Variants in TANGO2 observed in about 807,000 individuals in gnomAD.
TANGO2 encodes the protein transport and Golgi organization protein 2 homolog.
In TANGO2, 26 loss-of-function variants were observed where a neutral mutation model predicts 39.1. That is an observed-to-expected ratio of 0.67 (90% CI 0.49 to 0.92). The LOEUF (loss-of-function observed/expected upper bound fraction) is 0.92, where lower values mean the gene tolerates loss of function less well. Ranked by LOEUF, TANGO2 falls within the 40% of genes least tolerant of loss-of-function variation. The pLI, the probability that TANGO2 is intolerant of heterozygous loss-of-function variation, is 0.00. For missense variants in TANGO2, 326 were observed against 360.1 expected, an observed-to-expected ratio of 0.91 and a Z score of 0.77; for synonymous variants, 131 against 144.5, an observed-to-expected ratio of 0.91 and a Z score of 0.67.
intron 2 of TANGO2, 124 bp from the exon 3 acceptor site, chr22:20,043,231 G>A (rs1277162775): frequency 4.4e-5 from 31 of 700,496 alleles, no homozygotes; most frequent in Middle Eastern, 3.1e-4. Context: ...CAGGACTGCC[G>A]GCTTCCTGCC....
chr22:20,035,152 A>C (rs962571076), intron 1 of TANGO2, among the ~76,000 whole-genome samples: 1 of 152,170 alleles, frequency 6.6e-6, no homozygotes, highest in African/African-American at 2.4e-5. Context: ...ACCATCTCAA[A>C]TGGCTGCCCA....
intron 3 of TANGO2, among the ~76,000 whole-genome samples, chr22:20,046,511 C>G (rs1034169448): frequency 7.3e-6 from 1 of 136,868 alleles, no homozygotes. Context: ...GTCGCTTAGG[C>G]TGGAGTGCAA....
At chr22:20,061,091 G>A (rs2147787657) in intron 6 of TANGO2, 1 of 162,202 alleles carries the variant, frequency 6.2e-6, no homozygotes, top group South Asian at 1.7e-4. Context: ...TGGCGCTGTT[G>A]GGGGTTCCCC....
intron 4 of TANGO2, 38 bp downstream of exon 4, chr22:20,052,622 G>C (rs1359100378): frequency 1.3e-6 from 2 of 1,545,358 alleles, no homozygotes; most frequent in Non-Finnish European, 8.7e-7. Context: ...GAGACAGGGT[G>C]GGGTGGGGCA....
At chr22:20,030,396 G>A (rs531553278) in intron 1 of TANGO2, among the ~76,000 whole-genome samples, 1 of 152,108 alleles carries the variant, frequency 6.6e-6, no homozygotes, top group East Asian at 1.9e-4. Context: ...GCCCAGGCTG[G>A]AGGACAGTGG....
At chr22:20,053,751 T>G (rs2046847522) in intron 5 of TANGO2, 200 bp downstream of exon 5, 1 of 617,606 alleles carries the variant, frequency 1.6e-6, no homozygotes, top group African/African-American at 1.8e-5. Context: ...AGCCCAAGGC[T>G]TCCTGTGATG....
At chr22:20,045,959 TG>T (rs1158071346) in intron 3 of TANGO2, among the ~76,000 whole-genome samples, 3 of 152,088 alleles carry the variant, frequency 2.0e-5, no homozygotes, top group Admixed American at 2.0e-4. Context: ...TTTTCCAGCC[TG>T]GTGTCTGGGA....
In TANGO2 at chr22:20,057,406, G is replaced by C. The variant is rs2047570508; in HGVS notation, c.451+1393G>C. ...TCTCCAGAGGAGGCATCTGCCTGGA[G>C]GGTGGCTTCCAGTGTGTCCCACCCA... On this transcript the variant is annotated intron_variant, in intron 6 of 8. Transcript: ENST00000327374. The surrounding 1 kb of genome is among the most constrained non-coding windows in gnomAD (Gnocchi z 4.1). 6.6e-6 allele frequency among the ~76,000 whole-genome samples: 1 copy of C among 152,206 alleles called. No individual in the cohort carries two copies. The highest frequency in any genetic ancestry group is 6.5e-5 in the Admixed American group (1 of 15,292).
chr22:20,025,064 T>C (rs1349739677), intron 1 of TANGO2, among the ~76,000 whole-genome samples: 1 of 151,264 alleles, frequency 6.6e-6, no homozygotes. Context: ...TTCTTTTTTT[T>C]TGCGTTTTGA....
At chr22:20,049,660 CAAAAAA>C (rs695789) in intron 3 of TANGO2, among the ~76,000 whole-genome samples, 1 of 87,134 alleles carries the variant, frequency 1.1e-5, no homozygotes, top group East Asian at 3.3e-4. Context: ...AACTCTGTCT[CAAAAAA>C]AAAAAAAAAA....
intron 1 of TANGO2, among the ~76,000 whole-genome samples, chr22:20,025,358 G>A (rs1381325818): frequency 6.6e-6 from 1 of 151,998 alleles, no homozygotes; most frequent in Non-Finnish European, 1.5e-5. Context: ...CTCCCAAAGT[G>A]TTGGGATTAC....
intron 1 of TANGO2, among the ~76,000 whole-genome samples, chr22:20,024,119 G>A (rs553974436): frequency 7.9e-5 from 12 of 152,202 alleles, no homozygotes; most frequent in African/African-American, 2.9e-4. Flanking sequence ...CCCAGGAGGC[G>A]AACGTTGCAG....
chr22:20,060,868 C>G (rs1341803769), intron 6 of TANGO2, among the ~76,000 whole-genome samples: 2 of 152,200 alleles, frequency 1.3e-5, no homozygotes, highest in Non-Finnish European at 2.9e-5. Flanking sequence ...AGAAGAGCCT[C>G]TGAGGTGAGG....
intron 3 of TANGO2, among the ~76,000 whole-genome samples, chr22:20,049,796 A>T (rs2045951011): frequency 6.6e-6 from 1 of 152,172 alleles, no homozygotes; most frequent in Non-Finnish European, 1.5e-5. Context: ...TAAAACGAAA[A>T]GCCCCCTGGG....
intron 3 of TANGO2, among the ~76,000 whole-genome samples, chr22:20,045,499 CTTTTTTTTTTT>C (rs695487): frequency 8.9e-6 from 1 of 112,536 alleles, no homozygotes. Flanking sequence ...GCCATCACTT[CTTTTTTTTTTT>C]TTTTTTTTTT....
At chr22:20,024,465 C>A (rs540362928) in intron 1 of TANGO2, among the ~76,000 whole-genome samples, 1 of 152,334 alleles carries the variant, frequency 6.6e-6, no homozygotes, top group Non-Finnish European at 1.5e-5. Context: ...AAGAGCAACT[C>A]GTGCTTTCAA....
At position 20,057,819 on chromosome 22, in the gene TANGO2, A is replaced by G. The variant is rs1293384620; in HGVS notation, c.451+1806A>G. Among the ~76,000 whole-genome samples, 1 of 152,168 alleles carries G rather than the reference A, an allele frequency of 6.6e-6. No homozygotes were observed. The highest frequency in any genetic ancestry group is 2.4e-5 in the African/African-American group (1 of 41,438). ...AACTAAAAGGTGCAAAAGCAGTCAG[A>G]GACTCCCTACCACCCCCTCACTGTG... On this transcript the variant is annotated intron_variant, in intron 6 of 8. Coordinates refer to ENST00000327374, the MANE Select transcript of TANGO2 (RefSeq NM_152906.7). This position sits in a 1 kb window ranked among gnomAD's most constrained non-coding sequence, Gnocchi z 4.1.
At chr22:20,038,449 A>G (rs773215839) in intron 2 of TANGO2, among the ~76,000 whole-genome samples, 1 of 152,122 alleles carries the variant, frequency 6.6e-6, no homozygotes, top group Non-Finnish European at 1.5e-5. Context: ...ATCTCTGGAA[A>G]GGAAGCTTGA....
chr22:20,031,031 C>T (rs1025685627), intron 1 of TANGO2, among the ~76,000 whole-genome samples: 5 of 152,026 alleles, frequency 3.3e-5, no homozygotes, highest in African/African-American at 1.2e-4. Flanking sequence ...AACCCCATCT[C>T]TACTAAAAAT....
Sources: allele counts gnomAD v4.1 joint callset (sites outside exome capture counted in the v4.1 genomes callset), GRCh38; gene constraint gnomAD v4.1.1; non-coding constraint Gnocchi (gnomAD v3.1); transcripts MANE v1.5; gene names NCBI Gene and HGNC (gene_info 2026-07-23, HGNC 2026-07-21).